The following SMAD4 variants were observed in gnomAD, a reference collection of about 807,000 sequenced individuals.
The protein encoded by SMAD4 is SMAD family member 4.
A neutral mutation model predicts 63.2 loss-of-function variants in SMAD4; 7 were observed. That is an observed-to-expected ratio of 0.11 (90% CI 0.06 to 0.21). SMAD4 has a LOEUF of 0.21. Ranked by LOEUF, SMAD4 falls within the 10% of genes least tolerant of loss-of-function variation. The probability of loss-of-function intolerance (pLI) is 1.00; values close to 1 mark genes in which losing one functional copy is unlikely to be tolerated. For missense variants in SMAD4, 312 were observed against 693.8 expected (o/e 0.45, Z 6.18); for synonymous variants, 215 against 235.4 (o/e 0.91, Z 0.79).
At chr18:51,044,882 T>C (rs1909494519) in intron 1 of SMAD4, 1 of 152,340 alleles carries the variant, frequency 6.6e-6, no homozygotes, top group Middle Eastern at 3.4e-3. Flanking sequence ...AAATCTCCCA[T>C]GCAGGTTATC....
chr18:51,032,191 A>C (rs1465464410), intron 1 of SMAD4, among the ~76,000 whole-genome samples: 15 of 152,206 alleles, frequency 9.9e-5, no homozygotes, highest in Admixed American at 9.8e-4. Flanking sequence ...AGTCGTTATA[A>C]CATTTTGTGA....
intron 7 of SMAD4, among the ~76,000 whole-genome samples, chr18:51,059,182 A>G (rs1486345366): frequency 6.6e-6 from 1 of 152,162 alleles, no homozygotes; most frequent in African/African-American, 2.4e-5. Flanking sequence ...TGTATTGTAT[A>G]TATCTTGCTT....
intron 1 of SMAD4, among the ~76,000 whole-genome samples, chr18:51,033,987 C>A (rs1363271589): frequency 2.0e-5 from 3 of 152,108 alleles, no homozygotes; most frequent in African/African-American, 7.2e-5. Flanking sequence ...AGATAAGTAC[C>A]AAAGACCAGT....
At chr18:51,044,212 A>G (rs1485471402) in intron 1 of SMAD4, among the ~76,000 whole-genome samples, 1 of 151,762 alleles carries the variant, frequency 6.6e-6, no homozygotes, top group Non-Finnish European at 1.5e-5. Flanking sequence ...TGGCACAATC[A>G]TAACTCACAG....
At chr18:51,058,316 A>G (rs1909897759) in intron 6 of SMAD4, 24 bp from the exon 7 acceptor site, 1 of 1,610,306 alleles carries the variant, frequency 6.2e-7, no homozygotes. Flanking sequence ...AAGCAAATTA[A>G]CCCATGTGGG....
rs201632233 is a variant in SMAD4 at position 51,073,388 on chromosome 18, TACACACACACACACAC to T, written c.1309-3219_1309-3204del. Among the ~76,000 whole-genome samples the T allele has an allele frequency of 1.5e-3, 95 of 64,150 alleles. 1 individual carries two copies. The highest frequency in any genetic ancestry group is 2.2e-3 in the East Asian group (4 of 1,798). 42.1% of individuals were successfully genotyped at this position (64,150 alleles called of 152,430 possible). On this transcript the variant is annotated intron_variant, in intron 10 of 11. Transcript: ENST00000342988. ...ATATATATATATATATATATATATA[TACACACACACACACAC>T]ACACACACACACACACACACACACA...
intron 1 of SMAD4, among the ~76,000 whole-genome samples, chr18:51,032,374 T>C (rs1909076868): frequency 6.6e-6 from 1 of 152,222 alleles, no homozygotes; most frequent in Admixed American, 6.5e-5. Flanking sequence ...AAATCTGTTT[T>C]TCAGACTTAA....
intron 10 of SMAD4, 74 bp from the exon 11 acceptor site, chr18:51,076,564 A>G (rs1266501877): frequency 1.5e-6 from 2 of 1,328,156 alleles, no homozygotes; most frequent in African/African-American, 2.9e-5. Context: ...AGTTTTAAAT[A>G]AGTCAGGCAT....
chr18:51,073,388 T>TATATATATATATATATATACAC (rs1417299090), intron 10 of SMAD4, among the ~76,000 whole-genome samples: 1 of 64,160 alleles, frequency 1.6e-5, no homozygotes, highest in Non-Finnish European at 2.7e-5. Flanking sequence ...TATATATATA[T>TATATATATATATATATATACAC]ACACACACAC....
Position 51,058,977 on chromosome 18 carries a change from A to G in SMAD4, c.904+521A>G, listed in dbSNP as rs114163054. Among the ~76,000 whole-genome samples the G allele has an allele frequency of 6.3e-3, 961 of 152,320 alleles. 12 individuals carry two copies. Among genetic ancestry groups the G allele is most frequent in the African/African-American group, 0.021 (885 of 41,558 alleles). ...AAAATCGAGAGTATAACTCTTATATACATTAAATCCCTTTCTTCTCATTAT... is the reference window on the plus strand; with the variant it reads ...AAAATCGAGAGTATAACTCTTATATGCATTAAATCCCTTTCTTCTCATTAT... On this transcript the variant is annotated intron_variant, in intron 7 of 11. Transcript: ENST00000342988.
At chr18:51,030,945 G>T (rs1008357609) in intron 1 of SMAD4, among the ~76,000 whole-genome samples, 7 of 152,294 alleles carry the variant, frequency 4.6e-5, no homozygotes, top group African/African-American at 1.7e-4. Context: ...CGGTCGCCCC[G>T]GCTGAGCGCG....
At chr18:51,044,209 A>G (rs549129662) in intron 1 of SMAD4, among the ~76,000 whole-genome samples, 4 of 151,706 alleles carry the variant, frequency 2.6e-5, no homozygotes, top group Non-Finnish European at 4.4e-5. Context: ...CAGTGGCACA[A>G]TCATAACTCA....
At chr18:51,049,400 T>C in intron 4 of SMAD4, 76 bp downstream of exon 4, 1 of 1,073,308 alleles carries the variant, frequency 9.3e-7, no homozygotes, top group Non-Finnish European at 1.4e-6. Context: ...CTAGAATTAG[T>C]TTGTGTGAGC....
At chr18:51,034,960 T>TTAGCCCTCCGC (rs1277706986) in intron 1 of SMAD4, among the ~76,000 whole-genome samples, 1 of 152,230 alleles carries the variant, frequency 6.6e-6, no homozygotes, top group Non-Finnish European at 1.5e-5. Context: ...TGCAGCCAGG[T>TTAGCCCTCCGC]TAGCCCTCCG....
At chr18:51,076,865 A>G in intron 11 of SMAD4, 89 bp downstream of exon 11, 1 of 1,064,020 alleles carries the variant, frequency 9.4e-7, no homozygotes, top group Non-Finnish European at 1.3e-6. Flanking sequence ...TTGAGCAGTA[A>G]TAGAAATTAA....
At position 51,078,471 on chromosome 18, in the gene SMAD4, CTT is replaced by C. The variant is rs1176679575; in HGVS notation, c.*7_*8del. 1.2e-6 allele frequency: 2 copies of C among 1,608,676 alleles called. No homozygotes were observed. Among genetic ancestry groups the C allele is most frequent in the Admixed American group, 3.3e-5 (2 of 59,976 alleles). On this transcript the variant is annotated 3_prime_UTR_variant, in exon 12 of 12. Coordinates refer to ENST00000342988, the MANE Select transcript of SMAD4 (RefSeq NM_005359.6). ...AGACCCACAACCTTTAGACTGAGGT[CTT>C]TTACCGTTGGGGCCCTTAACCTTAT...
chr18:51,082,436 A>T lies in SMAD4; in HGVS notation c.*3969A>T, dbSNP rs1910632478. The T allele has an allele frequency of 1.3e-5, 3 of 229,610 alleles. No individual in the cohort carries two copies. In the Admixed American group the frequency reaches 1.7e-4, roughly 13 times the overall value. 14.2% of individuals were successfully genotyped at this position (229,610 alleles called of 1,614,324 possible). Reference sequence around the variant, plus strand: ...ATCCACAAAGTGGCATCCTAGGCCCAGCCTTATCCCTAGCAGTTGTCCCAG... The same window carrying T: ...ATCCACAAAGTGGCATCCTAGGCCCTGCCTTATCCCTAGCAGTTGTCCCAG... On this transcript the variant is annotated 3_prime_UTR_variant, in exon 12 of 12. Transcript: ENST00000342988.
At chr18:51,078,125 A>AGAT (rs1401471671) in intron 11 of SMAD4, 131 bp from the exon 12 acceptor site, 3 of 785,244 alleles carry the variant, frequency 3.8e-6, no homozygotes. Context: ...ACTTCTTGGC[A>AGAT]CTTTAGCAGA....
chr18:51,056,321 A>T (rs1056452114), intron 5 of SMAD4, among the ~76,000 whole-genome samples: 1 of 152,152 alleles, frequency 6.6e-6, no homozygotes, highest in East Asian at 1.9e-4. Flanking sequence ...CTTCATTTTG[A>T]CTGTGTTGTT....
Sources: allele counts gnomAD v4.1 joint callset (sites outside exome capture counted in the v4.1 genomes callset), GRCh38; gene constraint gnomAD v4.1.1; transcripts MANE v1.5; gene names NCBI Gene and HGNC (gene_info 2026-07-23, HGNC 2026-07-21).